Variants in IGF2BP2 observed in about 807,000 individuals in gnomAD.
IGF2BP2 encodes the protein insulin like growth factor 2 mRNA binding protein 2, also known as insulin-like growth factor 2 mRNA-binding protein 2.
IGF2BP2 carries 17 observed loss-of-function variants against 75.8 expected under a neutral mutation model. That is an observed-to-expected ratio of 0.22 (90% CI 0.15 to 0.34). The LOEUF (loss-of-function observed/expected upper bound fraction) is 0.34, where lower values mean the gene tolerates loss of function less well. Among genes scored for constraint, IGF2BP2 ranks in the 10% least tolerant of loss-of-function variants. The probability of loss-of-function intolerance (pLI) is 1.00; values close to 1 mark genes in which losing one functional copy is unlikely to be tolerated. For missense variants in IGF2BP2, 516 were observed against 772.4 expected, an observed-to-expected ratio of 0.67 and a Z score of 3.93; for synonymous variants, 288 against 295.6, an observed-to-expected ratio of 0.97 and a Z score of 0.26.
intron 2 of IGF2BP2, among the ~76,000 whole-genome samples, chr3:185,736,627 AAC>A (rs1196046389): frequency 6.6e-6 from 1 of 152,194 alleles, no homozygotes; most frequent in African/African-American, 2.4e-5. Flanking sequence ...ACAATAAGAG[AAC>A]ATCTCTGCAT....
chr3:185,809,587 A>G (rs1014193309), intron 2 of IGF2BP2, among the ~76,000 whole-genome samples: 4 of 152,170 alleles, frequency 2.6e-5, no homozygotes, highest in African/African-American at 7.2e-5. Context: ...CCATGATAGC[A>G]TCATTGCACC....
chr3:185,744,584 G>A (rs1011757328), intron 2 of IGF2BP2, among the ~76,000 whole-genome samples: 3 of 152,158 alleles, frequency 2.0e-5, no homozygotes, highest in Non-Finnish European at 4.4e-5. Flanking sequence ...AAGGCGGGTG[G>A]ATCACTTGAG....
At chr3:185,701,403 G>GA (rs1293448051) in intron 2 of IGF2BP2, among the ~76,000 whole-genome samples, 2 of 145,594 alleles carry the variant, frequency 1.4e-5, no homozygotes, top group Non-Finnish European at 3.0e-5. Context: ...AAAGAAAGAA[G>GA]AAAAAACCAA....
chr3:185,684,526 T>A (rs1226641543), intron 7 of IGF2BP2, among the ~76,000 whole-genome samples: 1 of 152,174 alleles, frequency 6.6e-6, no homozygotes, highest in Non-Finnish European at 1.5e-5. Flanking sequence ...TGCCTCAGCT[T>A]CCCAAGTAGC....
intron 10 of IGF2BP2, among the ~76,000 whole-genome samples, chr3:185,659,134 ACT>A (rs1715968666): frequency 6.6e-6 from 1 of 152,108 alleles, no homozygotes; most frequent in Admixed American, 6.6e-5. Context: ...TGGGAGGATC[ACT>A]TGAGCCTAGG....
At chr3:185,666,322 G>A (rs1467427815) in intron 10 of IGF2BP2, among the ~76,000 whole-genome samples, 3 of 152,118 alleles carry the variant, frequency 2.0e-5, no homozygotes, top group African/African-American at 4.8e-5. Flanking sequence ...TGGATTATGC[G>A]GTTGTGTATT....
At chr3:185,779,382 T>C (rs1461150079) in intron 2 of IGF2BP2, among the ~76,000 whole-genome samples, 1 of 152,142 alleles carries the variant, frequency 6.6e-6, no homozygotes, top group African/African-American at 2.4e-5. Context: ...TCAATCACCA[T>C]CAACATTTTG....
intron 1 of IGF2BP2, among the ~76,000 whole-genome samples, chr3:185,824,119 G>C (rs890210398): frequency 5.9e-5 from 9 of 152,012 alleles, no homozygotes; most frequent in South Asian, 2.1e-4. Flanking sequence ...AAGCGAGAGG[G>C]GACTGAGGTT....
intron 7 of IGF2BP2, among the ~76,000 whole-genome samples, chr3:185,683,119 G>A (rs1332601821): frequency 6.6e-6 from 1 of 152,178 alleles, no homozygotes; most frequent in Non-Finnish European, 1.5e-5. Flanking sequence ...CCATAAAAAG[G>A]AAGGAAAGCC....
At chr3:185,655,989 A>T (rs1390050607) in intron 12 of IGF2BP2, among the ~76,000 whole-genome samples, 1 of 152,240 alleles carries the variant, frequency 6.6e-6, no homozygotes, top group Non-Finnish European at 1.5e-5. Flanking sequence ...GCCCTGCCAC[A>T]TGTGTGCCTT....
At chr3:185,696,261 T>TA (rs1360645952) in intron 4 of IGF2BP2, among the ~76,000 whole-genome samples, 2 of 152,332 alleles carry the variant, frequency 1.3e-5, no homozygotes, top group East Asian at 3.9e-4. Context: ...CTGTTTTTCT[T>TA]ATCCAGGGAA....
chr3:185,677,856 C>T (rs958873065), intron 7 of IGF2BP2, among the ~76,000 whole-genome samples: 7 of 152,024 alleles, frequency 4.6e-5, no homozygotes, highest in Admixed American at 3.9e-4. Flanking sequence ...CAGATTTGAC[C>T]AGACAGAGGA....
At chr3:185,678,731 T>A (rs1221932894) in intron 7 of IGF2BP2, among the ~76,000 whole-genome samples, 1 of 152,202 alleles carries the variant, frequency 6.6e-6, no homozygotes, top group Non-Finnish European at 1.5e-5. Context: ...GCACTTAAGT[T>A]TCCTACTGTT....
At chr3:185,665,503 A>AAGGAGGAGGAGGAGAAGG (rs1717376510) in intron 10 of IGF2BP2, among the ~76,000 whole-genome samples, 2 of 26,098 alleles carry the variant, frequency 7.7e-5, no homozygotes, top group Admixed American at 6.9e-4. Flanking sequence ...GGAGGAGGAG[A>AAGGAGGAGGAGGAGAAGG]AGGAGGAGGA....
intron 2 of IGF2BP2, among the ~76,000 whole-genome samples, chr3:185,769,152 G>A (rs537372469): frequency 1.3e-5 from 2 of 152,176 alleles, no homozygotes; most frequent in South Asian, 4.2e-4. Context: ...AGATCAGCCT[G>A]GGCAACACAG....
chr3:185,805,805 CTT>C (rs1335583998), intron 2 of IGF2BP2, among the ~76,000 whole-genome samples: 5 of 146,762 alleles, frequency 3.4e-5, no homozygotes, highest in East Asian at 4.0e-4. Context: ...GAGCTTCACT[CTT>C]GTCACCCAGG....
chr3:185,743,518 C>T (rs1729851093), intron 2 of IGF2BP2, among the ~76,000 whole-genome samples: 1 of 152,206 alleles, frequency 6.6e-6, no homozygotes, highest in African/African-American at 2.4e-5. Context: ...TCAGGTGATC[C>T]TCCCACCTTG....
intron 2 of IGF2BP2, among the ~76,000 whole-genome samples, chr3:185,735,942 A>C (rs1728798830): frequency 6.6e-6 from 1 of 151,964 alleles, no homozygotes; most frequent in South Asian, 2.1e-4. Flanking sequence ...TTAGTTTATA[A>C]ACTATATGCA....
At chr3:185,690,804 AG>A (rs1721846930) in intron 5 of IGF2BP2, among the ~76,000 whole-genome samples, 1 of 152,244 alleles carries the variant, frequency 6.6e-6, no homozygotes, top group Non-Finnish European at 1.5e-5. Flanking sequence ...TCAATTTGAT[AG>A]GGGATAAATG....
Sources: allele counts gnomAD v4.1 joint callset (sites outside exome capture counted in the v4.1 genomes callset), GRCh38; gene constraint gnomAD v4.1.1; transcripts MANE v1.5; gene names NCBI Gene and HGNC (gene_info 2026-07-23, HGNC 2026-07-21).